KALRN: variants seen among roughly 807,000 people sequenced by gnomAD.
KALRN encodes kalirin RhoGEF kinase.
Under a neutral mutation model 353.7 loss-of-function variants are expected in KALRN, and 70 were observed. That is an observed-to-expected ratio of 0.20 (90% confidence interval 0.16 to 0.24). The LOEUF (loss-of-function observed/expected upper bound fraction) is 0.24. Among genes scored for constraint, KALRN ranks in the 10% least tolerant of loss-of-function variants. The pLI is 1.00. For missense variants in KALRN, 2,791 were observed against 3,756.7 expected, an observed-to-expected ratio of 0.74 and a Z score of 6.72; for synonymous variants, 1,391 against 1,434.8, an observed-to-expected ratio of 0.97 and a Z score of 0.69.
At chr3:124,612,405 G>C (rs2078097590) in intron 34 of KALRN, among the ~76,000 whole-genome samples, 1 of 152,202 alleles carries the variant, frequency 6.6e-6, no homozygotes, top group Non-Finnish European at 1.5e-5. Flanking sequence ...GTTTCTCCAT[G>C]TTGGTCAGGC....
chr3:124,312,501 G>GA (rs970964876), intron 6 of KALRN, among the ~76,000 whole-genome samples: 2 of 151,990 alleles, frequency 1.3e-5, no homozygotes, highest in African/African-American at 2.4e-5. Context: ...ATGGTATGTT[G>GA]AAAAAAAAGA....
chr3:124,506,459 A>G (rs900138690), intron 33 of KALRN, among the ~76,000 whole-genome samples: 1 of 152,198 alleles, frequency 6.6e-6, no homozygotes, highest in African/African-American at 2.4e-5. Flanking sequence ...ATGTTCAGAT[A>G]GTCTAATTTT....
chr3:124,341,434 A>C lies in KALRN; in HGVS notation c.1648-5709A>C, dbSNP rs146416867. 3.7e-3 allele frequency among the ~76,000 whole-genome samples: 567 copies of C among 152,358 alleles called. 2 individuals are homozygous for C. Among genetic ancestry groups the C allele is most frequent in the African/African-American group, 0.013 (536 of 41,576 alleles). On this transcript the variant is annotated intron_variant, in intron 9 of 59. Coordinates refer to ENST00000682506, the MANE Select transcript of KALRN (RefSeq NM_001388419.1). The stretch of plus-strand genomic sequence containing the variant: ...TCATTGTGTATCTTCCAAGTGCAAG[A>C]TGCAGGCAAGGATGCTGTGTGATAG...
intron 1 of KALRN, among the ~76,000 whole-genome samples, chr3:124,139,383 A>G (rs1351561263): frequency 6.6e-5 from 10 of 152,198 alleles, no homozygotes; most frequent in Admixed American, 5.9e-4. Context: ...TTCCTATGGC[A>G]TGATCCTCTT....
chr3:124,467,632 G>C (rs1361926546), intron 25 of KALRN, among the ~76,000 whole-genome samples: 3 of 152,194 alleles, frequency 2.0e-5, no homozygotes, highest in African/African-American at 7.2e-5. Flanking sequence ...AGAGGCAATA[G>C]GGGGTTTGGG....
chr3:124,164,938 C>T (rs1578838540), intron 1 of KALRN, among the ~76,000 whole-genome samples: 1 of 152,182 alleles, frequency 6.6e-6, no homozygotes, highest in South Asian at 2.1e-4. Flanking sequence ...GATCATAGTA[C>T]CCCTCTGGGC....
At chr3:124,575,149 T>C (rs1350660345) in intron 34 of KALRN, among the ~76,000 whole-genome samples, 1 of 152,254 alleles carries the variant, frequency 6.6e-6, no homozygotes, top group Non-Finnish European at 1.5e-5. Flanking sequence ...TCTTTGCCCT[T>C]GTGGTAGGAC....
At chr3:124,705,787 A>C (rs2062572953) in intron 57 of KALRN, among the ~76,000 whole-genome samples, 1 of 150,812 alleles carries the variant, frequency 6.6e-6, no homozygotes. Flanking sequence ...TTCATCCAAG[A>C]AAAGACTGGT....
At chr3:124,125,456 G>A (rs1182668112) in intron 1 of KALRN, among the ~76,000 whole-genome samples, 16 of 152,206 alleles carry the variant, frequency 1.1e-4, no homozygotes, top group Admixed American at 1.0e-3. Context: ...GGTCAGAGAT[G>A]GTGTAGTGAA....
intron 10 of KALRN, among the ~76,000 whole-genome samples, chr3:124,383,822 T>A (rs1373354422): frequency 6.6e-6 from 1 of 152,092 alleles, no homozygotes; most frequent in Admixed American, 6.5e-5. Flanking sequence ...GGAGACCCTG[T>A]CTCCATAAGC....
At chr3:124,569,393 C>T (rs2073259770) in intron 34 of KALRN, among the ~76,000 whole-genome samples, 1 of 152,148 alleles carries the variant, frequency 6.6e-6, no homozygotes, top group African/African-American at 2.4e-5. Flanking sequence ...CCTGAGAATG[C>T]CGGGCAAGTT....
At chr3:124,041,284 A>G (rs1214852379) in intron 1 of KALRN, among the ~76,000 whole-genome samples, 1 of 152,174 alleles carries the variant, frequency 6.6e-6, no homozygotes, top group Non-Finnish European at 1.5e-5. Flanking sequence ...GTGTAAGATG[A>G]GGATAATAGC....
chr3:124,141,468 C>T (rs2066621094), intron 1 of KALRN, among the ~76,000 whole-genome samples: 1 of 152,184 alleles, frequency 6.6e-6, no homozygotes, highest in Non-Finnish European at 1.5e-5. Context: ...CCTTACCTCT[C>T]TCATCCTCTC....
At chr3:124,100,208 G>T (rs899853716) in intron 1 of KALRN, 1 of 152,308 alleles carries the variant, frequency 6.6e-6, no homozygotes, top group Non-Finnish European at 1.5e-5. Flanking sequence ...CCACTTTTTA[G>T]TGGGATTATT....
At chr3:124,472,947 T>C (rs1186881126) in intron 25 of KALRN, among the ~76,000 whole-genome samples, 1 of 152,176 alleles carries the variant, frequency 6.6e-6, no homozygotes, top group Non-Finnish European at 1.5e-5. Context: ...GCTAGGAGTC[T>C]CCCAGATTTT....
chr3:124,065,233 T>C (rs1375792768), intron 1 of KALRN, among the ~76,000 whole-genome samples: 1 of 152,216 alleles, frequency 6.6e-6, no homozygotes, highest in Non-Finnish European at 1.5e-5. Context: ...TGGGTGCTGA[T>C]GTGGCTTCAG....
intron 6 of KALRN, among the ~76,000 whole-genome samples, chr3:124,300,655 G>T (rs1218731640): frequency 2.6e-5 from 4 of 152,244 alleles, no homozygotes; most frequent in Non-Finnish European, 5.9e-5. Flanking sequence ...TGCTGGGAAA[G>T]AGAGAGCAGG....
intron 1 of KALRN, among the ~76,000 whole-genome samples, chr3:124,072,626 C>T (rs868691292): frequency 3.9e-5 from 6 of 152,124 alleles, no homozygotes; most frequent in South Asian, 2.1e-4. Flanking sequence ...TGGGTCCATC[C>T]GTGTATCCCA....
rs532862581 is a variant in KALRN, at chr3:124,095,006, G to T, written c.73+61193G>T. ...AAAGACACAGCAGAGAGGGGAGGGG[G>T]GTCAAGAAGAGAGAGAAGGAATGAA... On this transcript the variant is annotated intron_variant, in intron 1 of 59. Coordinates refer to ENST00000682506, the MANE Select transcript of KALRN (RefSeq NM_001388419.1). 7.2e-6 allele frequency: 8 copies of T among 1,108,032 alleles called. No individual in the cohort carries two copies. The East Asian group carries it at 2.0e-4, about 27-fold the overall frequency. 68.6% of individuals were successfully genotyped at this position (1,108,032 alleles called of 1,614,324 possible). A position where few individuals can be genotyped will look rare whatever the true frequency, so the allele number is the denominator to read the frequency against.
Sources: gnomAD v4.1 joint callset for allele counts (sites outside exome capture counted in the v4.1 genomes callset) on GRCh38, gnomAD v4.1.1 for gene constraint, MANE v1.5 for transcripts, NCBI Gene and HGNC (gene_info 2026-07-23, HGNC 2026-07-21) for gene names.